BCL11A: variants seen among roughly 807,000 people sequenced by gnomAD.
BCL11A encodes the protein B cell CLL/lymphoma 11A.
BCL11A carries 2 observed loss-of-function variants against 55.9 expected under a neutral mutation model. The ratio of observed to expected loss-of-function variants is 0.04; its 90% CI spans 0.01 to 0.11. The LOEUF (loss-of-function observed/expected upper bound fraction) is 0.11. Among genes scored for constraint, BCL11A ranks in the 10% least tolerant of loss-of-function variants. The pLI is 1.00. For missense variants in BCL11A, 817 were observed against 1,137.1 expected, an observed-to-expected ratio of 0.72 and a Z score of 4.05; for synonymous variants, 465 against 473.4, an observed-to-expected ratio of 0.98 and a Z score of 0.23.
At chr2:60,498,559 T>G (rs1679089077) in intron 2 of BCL11A, among the ~76,000 whole-genome samples, 2 of 152,168 alleles carry the variant, frequency 1.3e-5, no homozygotes, top group South Asian at 4.1e-4. Flanking sequence ...CCTGGGACAT[T>G]CATTATTTAG....
intron 2 of BCL11A, among the ~76,000 whole-genome samples, chr2:60,510,732 C>T (rs1417114386): frequency 6.6e-6 from 1 of 152,206 alleles, no homozygotes; most frequent in Non-Finnish European, 1.5e-5. Context: ...CTTCACAATT[C>T]CAAACTGCCA....
intron 2 of BCL11A, among the ~76,000 whole-genome samples, chr2:60,469,568 A>G (rs1249490254): frequency 6.6e-6 from 1 of 152,252 alleles, no homozygotes; most frequent in Non-Finnish European, 1.5e-5. Flanking sequence ...CAGCATTCCA[A>G]TAATGCCAGC....
At chr2:60,487,053 C>T (rs780048294) in intron 2 of BCL11A, among the ~76,000 whole-genome samples, 2 of 152,222 alleles carry the variant, frequency 1.3e-5, no homozygotes, top group Non-Finnish European at 2.9e-5. Flanking sequence ...CATTTAGGAG[C>T]GCTAGACACA....
intron 2 of BCL11A, chr2:60,543,066 A>T (rs933469165): frequency 6.7e-6 from 1 of 150,148 alleles, no homozygotes; most frequent in Non-Finnish European, 1.5e-5. Context: ...CAGCTTGGAG[A>T]GGCCTGAGTA....
downstream of BCL11A, chr2:60,452,930 T>C (rs981376605): frequency 2.6e-6 from 1 of 388,324 alleles, no homozygotes; most frequent in African/African-American, 2.1e-5. Flanking sequence ...AATTGTATGA[T>C]AGTCCTAATA....
intron 2 of BCL11A, among the ~76,000 whole-genome samples, chr2:60,494,282 G>A (rs1020383683): frequency 2.6e-5 from 4 of 152,194 alleles, no homozygotes; most frequent in Non-Finnish European, 4.4e-5. Flanking sequence ...GGAGCTGGGA[G>A]TTTGGCTTCT....
Position 60,541,741 on chromosome 2 carries a change from T to C in BCL11A, c.385+4230A>G, listed in dbSNP as rs536337347. On this transcript the variant is annotated intron_variant, in intron 2 of 3. Coordinates refer to ENST00000642384, the MANE Select transcript of BCL11A (RefSeq NM_022893.4). The stretch of plus-strand genomic sequence containing the variant: ...TTCACCAGTATATTGTTTTTTGTGG[T>C]AGTGGTGTTTTTTTGTTTTAACTGC... 813 of 523,762 alleles carry C rather than the reference T, an allele frequency of 1.6e-3. 5 individuals are homozygous for C. The highest frequency in any genetic ancestry group is 1.1e-3 in the Non-Finnish European group (335 of 294,036). 32.4% of individuals were successfully genotyped at this position (523,762 alleles called of 1,614,324 possible).
chr2:60,471,050 G>A (rs1239765271), intron 2 of BCL11A, among the ~76,000 whole-genome samples: 1 of 152,270 alleles, frequency 6.6e-6, no homozygotes, highest in East Asian at 1.9e-4. Context: ...CCAACAAGAA[G>A]GTCCTGTTTC....
chr2:60,546,354 G>A lies in BCL11A; in HGVS notation c.56-54C>T. ...ATTAGAGTGCCAGAGAGGACAGAAAGGGGAGAAGCACATCTCAACCCCATG... is the reference window on the plus strand; with the variant it reads ...ATTAGAGTGCCAGAGAGGACAGAAAAGGGAGAAGCACATCTCAACCCCATG... On this transcript the variant is annotated intron_variant, in intron 1 of 3. Transcript: ENST00000642384. This position sits in a 1 kb window ranked among gnomAD's most constrained non-coding sequence, Gnocchi z 4.1. 6.7e-7 allele frequency: 1 copy of A among 1,501,658 alleles called. No homozygotes were observed. Among genetic ancestry groups the A allele is most frequent in the Non-Finnish European group, 9.1e-7 (1 of 1,093,954 alleles). The allele number at this position is 1,501,658 out of a possible 1,614,324, so 93.0% of individuals were successfully genotyped here.
chr2:60,509,519 T>A (rs1399819768), intron 2 of BCL11A, among the ~76,000 whole-genome samples: 1 of 152,112 alleles, frequency 6.6e-6, no homozygotes, highest in Non-Finnish European at 1.5e-5. Flanking sequence ...CATTCCTAAA[T>A]ATCACCAATT....
downstream of BCL11A, among the ~76,000 whole-genome samples, chr2:60,455,904 C>T (rs1041613831): frequency 6.6e-6 from 1 of 152,046 alleles, no homozygotes; most frequent in Admixed American, 6.6e-5. Flanking sequence ...AAACCTAATC[C>T]AAAACACATA....
At chr2:60,507,199 CAAGGAAGA>C (rs1176568399) in intron 2 of BCL11A, among the ~76,000 whole-genome samples, 2 of 125,296 alleles carry the variant, frequency 1.6e-5, no homozygotes, top group East Asian at 2.3e-4. Flanking sequence ...CAAAGCAAGA[CAAGGAAGA>C]AAGGAAGGAA....
At chr2:60,523,957 C>T (rs563171085) in intron 2 of BCL11A, among the ~76,000 whole-genome samples, 69 of 152,352 alleles carry the variant, frequency 4.5e-4, no homozygotes, top group African/African-American at 1.6e-3. Context: ...TCTTAAACTT[C>T]AGCCAGAGAT....
chr2:60,500,587 C>T (rs965453970), intron 2 of BCL11A, among the ~76,000 whole-genome samples: 5 of 152,190 alleles, frequency 3.3e-5, no homozygotes, highest in African/African-American at 7.2e-5. Context: ...CCCACACTTC[C>T]CAACTCCTCA....
intron 2 of BCL11A, among the ~76,000 whole-genome samples, chr2:60,539,715 G>A (rs1475788142): frequency 1.3e-5 from 2 of 152,146 alleles, no homozygotes; most frequent in African/African-American, 4.8e-5. Context: ...CACATGTAGA[G>A]AGCTAAAGAA....
At chr2:60,484,126 C>T (rs1558634141) in intron 2 of BCL11A, 1 of 152,226 alleles carries the variant, frequency 6.6e-6, no homozygotes, top group Non-Finnish European at 1.5e-5. Flanking sequence ...GATGCTTCGT[C>T]TGTGACAGTT....
chr2:60,486,839 C>T (rs1168692251), intron 2 of BCL11A, among the ~76,000 whole-genome samples: 1 of 152,244 alleles, frequency 6.6e-6, no homozygotes, highest in Admixed American at 6.5e-5. Context: ...GGGAAGACTA[C>T]TGCGAATCAC....
chr2:60,452,554 C>T (rs376955234), downstream of BCL11A: 20 of 1,607,902 alleles, frequency 1.2e-5, no homozygotes, highest in Non-Finnish European at 1.5e-5. Context: ...TCCACCCCAC[C>T]CCTGGGGGCT....
intron 2 of BCL11A, among the ~76,000 whole-genome samples, chr2:60,514,090 C>T (rs1354402634): frequency 1.3e-5 from 2 of 152,232 alleles, no homozygotes; most frequent in Non-Finnish European, 2.9e-5. Context: ...CCAGCCATCT[C>T]CTTGTGGACT....
Sources: allele counts gnomAD v4.1 joint callset (sites outside exome capture counted in the v4.1 genomes callset), GRCh38; gene constraint gnomAD v4.1.1; non-coding constraint Gnocchi (gnomAD v3.1); transcripts MANE v1.5; gene names NCBI Gene and HGNC (gene_info 2026-07-23, HGNC 2026-07-21).